Variants in RBM23 observed in about 807,000 individuals in gnomAD.
RBM23 encodes RNA binding motif protein 23.
A neutral mutation model predicts 56.2 loss-of-function variants in RBM23; 53 were observed. The observed-to-expected ratio is 0.94, with a 90% CI of 0.76 to 1.19. RBM23 has a LOEUF of 1.19. Among genes scored for constraint, RBM23 ranks in the 50% most tolerant of loss-of-function variants. The pLI is 0.00. For missense variants in RBM23, 642 were observed against 590.3 expected, an observed-to-expected ratio of 1.09 and a Z score of -0.91; for synonymous variants, 197 against 198.5, an observed-to-expected ratio of 0.99 and a Z score of 0.06.
At chr14:22,907,240 G>T (rs1826251052) in intron 4 of RBM23, among the ~76,000 whole-genome samples, 1 of 152,142 alleles carries the variant, frequency 6.6e-6, no homozygotes, top group South Asian at 2.1e-4. Context: ...TATTCAGGAG[G>T]CTGAGGCAGG....
chr14:22,895,830 G>C lies in RBM23; in HGVS notation c.*5900C>G, dbSNP rs2040239794. ...TTTTCCCCTGCCAGACAAAGCTAAT[G>C]GTGTTAGGTACCTTGAAGGTACCTG... On this transcript the variant is annotated 3_prime_UTR_variant, in exon 14 of 14. Transcript: ENST00000359890. 6.6e-6 allele frequency: 1 copy of C among 152,124 alleles called. No individual in the cohort carries two copies. The highest frequency in any genetic ancestry group is 2.4e-5 in the African/African-American group (1 of 41,418). The allele number at this position is 152,124 out of a possible 1,614,324, so 9.4% of individuals were successfully genotyped here.
chr14:22,910,838 C>A (rs2139050372), intron 2 of RBM23, among the ~76,000 whole-genome samples: 1 of 152,288 alleles, frequency 6.6e-6, no homozygotes, highest in South Asian at 2.1e-4. Flanking sequence ...TGGTGAAACC[C>A]CGTCTCTACT....
intron 9 of RBM23, 53 bp from the exon 10 acceptor site, chr14:22,904,379 A>G (rs2041153008): frequency 6.8e-7 from 1 of 1,479,412 alleles, no homozygotes; most frequent in South Asian, 1.2e-5. Flanking sequence ...CACATCTTCA[A>G]TCTTTCCTAC....
rs112978943 is a variant in RBM23 at position 22,909,680 on chromosome 14, A to G, written c.67-85T>C. On this transcript the variant is annotated intron_variant, in intron 2 of 13. Coordinates refer to ENST00000359890, the MANE Select transcript of RBM23 (RefSeq NM_001077351.2). ...TGGGCAAAGGGAACAAAGGTGGACA[A>G]GGAATAAATCAAACCACTTGATTAT... 3,181 of 1,013,954 alleles carry G rather than the reference A, an allele frequency of 3.1e-3. 7 individuals carry two copies. Among genetic ancestry groups the G allele is most frequent in the Middle Eastern group, 4.9e-3 (17 of 3,474 alleles). 62.8% of individuals were successfully genotyped at this position (1,013,954 alleles called of 1,614,324 possible).
chr14:22,915,462 G>T lies in RBM23; in HGVS notation c.-11+3537C>A, dbSNP rs141267309. Among the ~76,000 whole-genome samples, 933 of 150,048 alleles carry T rather than the reference G, an allele frequency of 6.2e-3. 7 individuals carry two copies. Among genetic ancestry groups the T allele is most frequent in the Non-Finnish European group, 9.2e-3 (626 of 67,770 alleles). On this transcript the variant is annotated intron_variant, in intron 1 of 13. Transcript: ENST00000359890. ...GATCCGACCGCCTCGCCCTCCCAAA[G>T]TGCTGGGATTACAGGCATAAGCCCC...
intron 9 of RBM23, 70 bp from the exon 10 acceptor site, chr14:22,904,396 T>C: frequency 8.1e-7 from 1 of 1,228,218 alleles, no homozygotes; most frequent in Non-Finnish European, 1.2e-6. Flanking sequence ...CTACCCAGAC[T>C]GCTTTTTTTT....
At chr14:22,905,511 C>G in intron 6 of RBM23, 58 bp from the exon 7 acceptor site, 2 of 1,601,010 alleles carry the variant, frequency 1.2e-6, no homozygotes, top group Non-Finnish European at 1.7e-6. Context: ...TGTTCTCCAG[C>G]TAACCCTCAA....
intron 1 of RBM23, chr14:22,913,638 A>C (rs2042974484): frequency 6.6e-6 from 1 of 151,764 alleles, no homozygotes. Flanking sequence ...TCATGAGGTC[A>C]GGAGTTTGAG....
At chr14:22,908,489 T>TCC in intron 3 of RBM23, 109 bp from the exon 4 acceptor site, 1 of 1,247,006 alleles carries the variant, frequency 8.0e-7, no homozygotes, top group Non-Finnish European at 1.1e-6. Context: ...GCCTTCCAGG[T>TCC]TCAAGCGATC....
At chr14:22,909,927 CG>C (rs1315618918) in intron 2 of RBM23, among the ~76,000 whole-genome samples, 2 of 151,262 alleles carry the variant, frequency 1.3e-5, no homozygotes, top group Non-Finnish European at 2.9e-5. Context: ...CTGAGGCAGG[CG>C]GATCAATTGA....
At chr14:22,902,138 T>C (rs751592512) in intron 11 of RBM23, 39 bp from the exon 12 acceptor site, 2 of 1,605,204 alleles carry the variant, frequency 1.2e-6, no homozygotes, top group Non-Finnish European at 1.7e-6. Flanking sequence ...GCCCCAACCC[T>C]TCATCTAAAA....
At chr14:22,904,810 A>G in intron 9 of RBM23, 65 bp downstream of exon 9, 1 of 1,600,218 alleles carries the variant, frequency 6.2e-7, no homozygotes. Flanking sequence ...AGAGAAGTAC[A>G]CTCAAACACT....
At chr14:22,901,766 G>C (rs1366613507) in intron 13 of RBM23, 33 bp from the exon 14 acceptor site, 2 of 1,613,846 alleles carry the variant, frequency 1.2e-6, no homozygotes, top group Admixed American at 1.7e-5. Flanking sequence ...GGAAGCCAAA[G>C]GAAAGAGAAT....
chr14:22,911,183 T>C (rs1311844253), intron 2 of RBM23, 145 bp downstream of exon 2: 14 of 707,032 alleles, frequency 2.0e-5, no homozygotes, highest in Non-Finnish European at 2.9e-5. Context: ...CAAAGCTTAC[T>C]AAGACTATGC....
At position 22,903,832 on chromosome 14, in the gene RBM23, G is replaced by C. The variant is rs547306362; in HGVS notation, c.930+429C>G. On this transcript the variant is annotated intron_variant, in intron 10 of 13. Coordinates refer to ENST00000359890, the MANE Select transcript of RBM23 (RefSeq NM_001077351.2). ...GCTACGTTAATAACTGATCCTTCTC[G>C]GTGCAGAAATTGCTTCAAATGGGGT... 17 of 1,108,714 alleles carry C rather than the reference G, an allele frequency of 1.5e-5. No homozygotes were observed. In the East Asian group the frequency reaches 1.1e-3, roughly 71 times the overall value. The allele number at this position is 1,108,714 out of a possible 1,614,324, so 68.7% of individuals were successfully genotyped here.
chr14:22,918,976 G>C (rs1295125508), intron 1 of RBM23, 23 bp downstream of exon 1: 1 of 152,188 alleles, frequency 6.6e-6, no homozygotes, highest in African/African-American at 2.4e-5. Context: ...GTCTGGTGGG[G>C]ACCGGGTTTT....
At chr14:22,912,292 C>T (rs1193542515) in intron 1 of RBM23, among the ~76,000 whole-genome samples, 1 of 152,194 alleles carries the variant, frequency 6.6e-6, no homozygotes, top group Non-Finnish European at 1.5e-5. Context: ...GCCCTAACGT[C>T]TTCCTCTCCG....
chr14:22,902,428 T>C lies in RBM23; in HGVS notation c.931-46A>G, dbSNP rs115800489. 1.1e-3 allele frequency: 1,818 copies of C among 1,590,366 alleles called. 15 individuals carry two copies. In the African/African-American group the frequency reaches 0.022, roughly 19 times the overall value. ...GTTAGTCACCTACTCACCAAAGACATGCTCTCAAAGACCCAGTAACACTCC... is the reference window on the plus strand; with the variant it reads ...GTTAGTCACCTACTCACCAAAGACACGCTCTCAAAGACCCAGTAACACTCC... On this transcript the variant is annotated intron_variant, in intron 10 of 13. Transcript: ENST00000359890.
chr14:22,910,826 C>T (rs1052803741), intron 2 of RBM23, among the ~76,000 whole-genome samples: 1 of 152,238 alleles, frequency 6.6e-6, no homozygotes, highest in East Asian at 1.9e-4. Flanking sequence ...TCCTGGCCAA[C>T]ATGGTGAAAC....
Sources: gnomAD v4.1 joint callset for allele counts (sites outside exome capture counted in the v4.1 genomes callset) on GRCh38, gnomAD v4.1.1 for gene constraint, MANE v1.5 for transcripts, NCBI Gene and HGNC (gene_info 2026-07-23, HGNC 2026-07-21) for gene names.